Variants in CDKN2B-AS1 observed in about 807,000 individuals in gnomAD.
CDKN2B-AS1 encodes the protein CDKN2B antisense RNA 1 (non-protein coding).
At chr9:22,048,275 C>T (rs552358367) in intron 2 of CDKN2B-AS1, among the ~76,000 whole-genome samples, 3 of 152,242 alleles carry the variant, frequency 2.0e-5, no homozygotes, top group African/African-American at 7.2e-5. Flanking sequence ...TATGAAATAT[C>T]TCAGCTGGGG....
intron 4 of CDKN2B-AS1, among the ~76,000 whole-genome samples, chr9:22,116,132 C>G (rs1290611823): frequency 1.3e-5 from 2 of 152,166 alleles, no homozygotes; most frequent in African/African-American, 2.4e-5. Flanking sequence ...ACTGTTTTGA[C>G]AAACATCTGA....
intron 1 of CDKN2B-AS1, among the ~76,000 whole-genome samples, chr9:22,031,832 C>T (rs1435420404): frequency 1.3e-5 from 2 of 152,170 alleles, no homozygotes; most frequent in Non-Finnish European, 2.9e-5. Flanking sequence ...AAGATTGCGA[C>T]CTCCGTCTTG....
At chr9:22,110,132 T>C (rs1412834) in intron 4 of CDKN2B-AS1, among the ~76,000 whole-genome samples, 97,506 of 152,032 alleles carry the variant, frequency 0.64, 33,395 homozygotes, top group African/African-American at 0.9. Context: ...GTTAGGATAG[T>C]TTGAAATAGA....
chr9:22,068,583 C>T (rs1824160926), intron 4 of CDKN2B-AS1, among the ~76,000 whole-genome samples: 2 of 152,074 alleles, frequency 1.3e-5, no homozygotes, highest in African/African-American at 4.8e-5. Flanking sequence ...GGGTGTTACT[C>T]GTAGGAGGCC....
Position 22,039,889 on chromosome 9 carries a change from T to A in CDKN2B-AS1, n.30-6862T>A, listed in dbSNP as rs937136219. ...TCATTGCAAATATAATTAGTTAAGA[T>A]GCGATCTTACTGACATAGGAGAAGC... On this transcript the variant is annotated intron_variant and non_coding_transcript_variant, in intron 1 of 4. Coordinates refer to ENST00000650946, the Ensembl canonical transcript of CDKN2B-AS1. The surrounding 1 kb of genome is among the most constrained non-coding windows in gnomAD (Gnocchi z 4.4). Among the ~76,000 whole-genome samples, 3 of 152,046 alleles carry A rather than the reference T, an allele frequency of 2.0e-5. No homozygotes were observed. Among genetic ancestry groups the A allele is most frequent in the African/African-American group, 4.8e-5 (2 of 41,426 alleles).
Position 22,032,784 on chromosome 9 carries a change from A to G in CDKN2B-AS1, n.30-13967A>G, listed in dbSNP as rs1822532542. ...AATTAAAAACACTGGGCATGTGGAA[A>G]TAATATTCATGCTTTAAATTGTCTT... On this transcript the variant is annotated intron_variant and non_coding_transcript_variant, in intron 1 of 4. Transcript: ENST00000650946. 6.6e-6 allele frequency: 1 copy of G among 151,842 alleles called. No homozygotes were observed. Among genetic ancestry groups the G allele is most frequent in the Admixed American group, 6.6e-5 (1 of 15,248 alleles). 9.4% of individuals were successfully genotyped at this position (151,842 alleles called of 1,614,324 possible).
chr9:22,065,461 T>C (rs1464009653), intron 4 of CDKN2B-AS1, among the ~76,000 whole-genome samples: 1 of 152,190 alleles, frequency 6.6e-6, no homozygotes, highest in African/African-American at 2.4e-5. Context: ...TAGGCAAATA[T>C]GATTCTAACC....
intron 1 of CDKN2B-AS1, among the ~76,000 whole-genome samples, chr9:22,007,538 G>C (rs1465193924): frequency 1.3e-5 from 2 of 151,924 alleles, no homozygotes; most frequent in Non-Finnish European, 2.9e-5. Context: ...GACAATTTTT[G>C]GTAACTAAAT....
chr9:22,011,483 T>C (rs1284888674), intron 1 of CDKN2B-AS1, among the ~76,000 whole-genome samples: 1 of 152,198 alleles, frequency 6.6e-6, no homozygotes, highest in Non-Finnish European at 1.5e-5. Flanking sequence ...ATCAGAGAAT[T>C]TGAGTGACTT....
chr9:22,075,811 G>A (rs941137938), intron 4 of CDKN2B-AS1, among the ~76,000 whole-genome samples: 2 of 152,152 alleles, frequency 1.3e-5, no homozygotes, highest in African/African-American at 2.4e-5. Flanking sequence ...AGAAATGCCC[G>A]TTTGTATTTA....
chr9:22,033,325 G>A (rs117088783), intron 1 of CDKN2B-AS1, among the ~76,000 whole-genome samples: 9 of 152,286 alleles, frequency 5.9e-5, no homozygotes, highest in Non-Finnish European at 1.2e-4. Context: ...TAGCCTTCTG[G>A]TAAATGGAGG....
At chr9:22,120,217 G>T (rs1455581059) in intron 4 of CDKN2B-AS1, 1 of 152,188 alleles carries the variant, frequency 6.6e-6, no homozygotes, top group East Asian at 1.9e-4. Flanking sequence ...CAGACAGCAA[G>T]TTGAACATTG....
intron 4 of CDKN2B-AS1, among the ~76,000 whole-genome samples, chr9:22,114,340 T>C (rs184316526): frequency 1.2e-3 from 185 of 152,312 alleles, no homozygotes; most frequent in African/African-American, 4.3e-3. Context: ...TATCTCTACT[T>C]GAATCACTGT....
Position 22,005,936 on chromosome 9 carries a change from G to C in CDKN2B-AS1, n.29+10775G>C. The C allele has an allele frequency of 6.3e-7, 1 of 1,592,744 alleles. No homozygotes were observed. The highest frequency in any genetic ancestry group is 8.5e-7 in the Non-Finnish European group (1 of 1,177,336). ...TCATCGAATTAGGTGGGTGGGGGTGGGAAATTGGGTAAGAAAATAAAGTCG... is the reference window on the plus strand; with the variant it reads ...TCATCGAATTAGGTGGGTGGGGGTGCGAAATTGGGTAAGAAAATAAAGTCG... On this transcript the variant is annotated intron_variant and non_coding_transcript_variant, in intron 1 of 4. Coordinates refer to ENST00000650946, the Ensembl canonical transcript of CDKN2B-AS1. This position sits in a 1 kb window ranked among gnomAD's most constrained non-coding sequence, Gnocchi z 4.9.
At chr9:22,090,591 A>C (rs200666507) in intron 4 of CDKN2B-AS1, among the ~76,000 whole-genome samples, 1 of 151,820 alleles carries the variant, frequency 6.6e-6, no homozygotes, top group Admixed American at 6.6e-5. Context: ...ATGATGAGCA[A>C]TTTTTCATGT....
chr9:22,116,797 T>C (rs72654255), intron 4 of CDKN2B-AS1, among the ~76,000 whole-genome samples: 3 of 152,170 alleles, frequency 2.0e-5, no homozygotes, highest in Non-Finnish European at 4.4e-5. Context: ...CTAATGACAG[T>C]GAGATGTTAC....
intron 1 of CDKN2B-AS1, among the ~76,000 whole-genome samples, chr9:22,034,634 C>T (rs757131994): frequency 5.9e-5 from 9 of 152,150 alleles, no homozygotes; most frequent in Non-Finnish European, 8.8e-5. Context: ...GTTTATCATA[C>T]TCAATCTTCT....
intron 4 of CDKN2B-AS1, among the ~76,000 whole-genome samples, chr9:22,095,940 T>C (rs1476985109): frequency 6.6e-6 from 1 of 151,988 alleles, no homozygotes; most frequent in Non-Finnish European, 1.5e-5. Flanking sequence ...ATTTGCTTGG[T>C]AGATCTTCCT....
intron 2 of CDKN2B-AS1, among the ~76,000 whole-genome samples, chr9:22,048,886 T>A (rs1823219215): frequency 6.6e-6 from 1 of 152,186 alleles, no homozygotes. Context: ...AAAATGGAAA[T>A]CATAACAGTT....
Sources: allele counts gnomAD v4.1 joint callset (sites outside exome capture counted in the v4.1 genomes callset), GRCh38; gene constraint gnomAD v4.1.1; non-coding constraint Gnocchi (gnomAD v3.1); transcripts MANE v1.5; gene names NCBI Gene and HGNC (gene_info 2026-07-23, HGNC 2026-07-21).